Variants in BRINP2 observed in about 807,000 individuals in gnomAD.
BRINP2 encodes BMP/retinoic acid-inducible neural-specific protein 2.
In BRINP2, 21 loss-of-function variants were observed where a neutral mutation model predicts 69.2. The observed-to-expected ratio is 0.30, with a 90% confidence interval of 0.22 to 0.44. The LOEUF (loss-of-function observed/expected upper bound fraction) is 0.44. Ranked by LOEUF, BRINP2 falls within the 20% of genes least tolerant of loss-of-function variation. The pLI is 1.00. For synonymous variants in BRINP2, 380 were observed against 394.1 expected, an observed-to-expected ratio of 0.96 and a Z score of 0.42; for missense variants, 877 against 986.0, an observed-to-expected ratio of 0.89 and a Z score of 1.48.
intron 7 of BRINP2, 109 bp downstream of exon 7, chr1:177,278,894 C>A: frequency 1.9e-6 from 2 of 1,032,608 alleles, no homozygotes; most frequent in Non-Finnish European, 2.9e-6. Flanking sequence ...TGGTGACTCA[C>A]ACATAGCCTT....
chr1:177,208,751 C>T (rs931145674), intron 1 of BRINP2, among the ~76,000 whole-genome samples: 1 of 152,164 alleles, frequency 6.6e-6, no homozygotes, highest in African/African-American at 2.4e-5. Flanking sequence ...AGGAGTGACA[C>T]TGACGTGTTT....
rs141733766 is a variant in BRINP2 at position 177,267,609 on chromosome 1, A to AT, written c.670-5873dup. On this transcript the variant is annotated intron_variant, in intron 4 of 7. Transcript: ENST00000361539. ...ATGAGTATCTACAATCACCTTGTAA[A>AT]TTTTTTCTTTCAGTATCATAGTTTT... 2.0e-5 allele frequency among the ~76,000 whole-genome samples: 3 copies of AT among 152,004 alleles called. No individual in the cohort carries two copies. In the East Asian group the frequency reaches 5.8e-4, roughly 29 times the overall value.
At chr1:177,275,141 A>G (rs1308995282) in intron 5 of BRINP2, 2 of 456,312 alleles carry the variant, frequency 4.4e-6, no homozygotes, top group Admixed American at 4.7e-5. Context: ...CGTGGCCCAG[A>G]CTGCATCCAA....
At chr1:177,244,254 G>A (rs1442188317) in intron 2 of BRINP2, among the ~76,000 whole-genome samples, 1 of 152,202 alleles carries the variant, frequency 6.6e-6, no homozygotes, top group African/African-American at 2.4e-5. Flanking sequence ...TAAAAAATGA[G>A]TGTAATATTC....
chr1:177,250,798 T>A (rs1650556723), intron 2 of BRINP2, among the ~76,000 whole-genome samples: 1 of 152,228 alleles, frequency 6.6e-6, no homozygotes, highest in South Asian at 2.1e-4. Flanking sequence ...TATAGCCTAG[T>A]GGCAAAGGCT....
intron 1 of BRINP2, among the ~76,000 whole-genome samples, chr1:177,182,225 A>G (rs950396428): frequency 4.7e-5 from 7 of 149,400 alleles, no homozygotes; most frequent in Non-Finnish European, 1.5e-5. Context: ...CCTCTTTGGC[A>G]ACTCCCCACC....
chr1:177,258,979 A>G (rs922247681), intron 4 of BRINP2, among the ~76,000 whole-genome samples: 8 of 152,216 alleles, frequency 5.3e-5, no homozygotes, highest in Admixed American at 4.6e-4. Context: ...AAAGAGTCAG[A>G]CATCTCTCAC....
rs755472407 is a variant in BRINP2, at chr1:177,278,725, G to A, written c.1175G>A (p.Arg392Gln). 33 of 1,614,006 alleles carry A rather than the reference G, an allele frequency of 2.0e-5. No homozygotes were observed. Among genetic ancestry groups the A allele is most frequent in the Admixed American group, 6.7e-5 (4 of 59,982 alleles). Residue 392 changes from arginine (R) to glutamine (Q), a missense_variant, in exon 7 of 8, where the codon CGG becomes CAG. This residue lies in a region of BRINP2 where 566 missense variants were observed against 625.2 expected (regional missense o/e 0.91). Transcript: ENST00000361539. Reference sequence around the variant, plus strand: ...AAAAAGACCCATCGGATCCTACGCCGGCTCTTCAACCTCTGCAAGCGCTGC... The same window carrying A: ...AAAAAGACCCATCGGATCCTACGCCAGCTCTTCAACCTCTGCAAGCGCTGC... ...LFKKTHRILR[R>Q]LFNLCKRCHR... is the part of the protein sequence containing the mutation.
intron 2 of BRINP2, among the ~76,000 whole-genome samples, chr1:177,240,390 C>A (rs1360821181): frequency 1.3e-5 from 2 of 152,164 alleles, no homozygotes; most frequent in African/African-American, 4.8e-5. Context: ...CTTATTTGAT[C>A]ATTACATGCT....
chr1:177,277,555 G>T (rs1651539575), intron 6 of BRINP2, among the ~76,000 whole-genome samples: 1 of 151,110 alleles, frequency 6.6e-6, no homozygotes, highest in African/African-American at 2.4e-5. Context: ...GCCATTACTA[G>T]GCATGATTCT....
chr1:177,251,369 A>G (rs1650574991), intron 2 of BRINP2, among the ~76,000 whole-genome samples: 1 of 152,266 alleles, frequency 6.6e-6, no homozygotes, highest in Non-Finnish European at 1.5e-5. Flanking sequence ...ATTTGTGTTA[A>G]AGGATACTAA....
intron 3 of BRINP2, 42 bp downstream of exon 3, chr1:177,256,151 A>G (rs1440895901): frequency 1.9e-6 from 3 of 1,597,428 alleles, no homozygotes; most frequent in African/African-American, 2.7e-5. Context: ...TTGCCAGACC[A>G]TTGGAAATAA....
At position 177,281,680 on chromosome 1, in the gene BRINP2, G is replaced by A. The variant is rs1651707101; in HGVS notation, c.*152G>A. ...GACCTCGAGGCTCGAGCTGAAGCAG[G>A]CGAGAGAGAAACAGCTACTGCGTGC... On this transcript the variant is annotated 3_prime_UTR_variant, in exon 8 of 8. Transcript: ENST00000361539. 9.7e-7 allele frequency: 1 copy of A among 1,031,784 alleles called. No individual in the cohort carries two copies. Among genetic ancestry groups the A allele is most frequent in the African/African-American group, 1.6e-5 (1 of 62,738 alleles). The allele number at this position is 1,031,784 out of a possible 1,614,324, so 63.9% of individuals were successfully genotyped here.
intron 1 of BRINP2, among the ~76,000 whole-genome samples, chr1:177,209,184 G>A (rs960870904): frequency 1.3e-5 from 2 of 151,850 alleles, no homozygotes; most frequent in Non-Finnish European, 2.9e-5. Context: ...GGCCCTGTAG[G>A]GGAAGCAAGG....
chr1:177,191,363 T>A (rs1253099027), intron 1 of BRINP2, among the ~76,000 whole-genome samples: 2 of 152,338 alleles, frequency 1.3e-5, no homozygotes, highest in South Asian at 4.1e-4. Flanking sequence ...AACATGAGGA[T>A]GAGGATGAGA....
chr1:177,256,951 G>C, intron 3 of BRINP2: 4 of 1,418,324 alleles, frequency 2.8e-6, no homozygotes, highest in Non-Finnish European at 3.7e-6. Context: ...CTGAGGGCAG[G>C]GGGACTGAGC....
chr1:177,279,990 G>T lies in BRINP2; in HGVS notation c.1236-422G>T, dbSNP rs1010196366. On this transcript the variant is annotated intron_variant, in intron 7 of 7. Coordinates refer to ENST00000361539, the MANE Select transcript of BRINP2 (RefSeq NM_021165.4). Reference sequence around the variant, plus strand: ...TGTTCTTGGTGGAGGAGTGAGAGGAGCAGAGAGAATAGAAAGGACAGAAAC... The same window carrying T: ...TGTTCTTGGTGGAGGAGTGAGAGGATCAGAGAGAATAGAAAGGACAGAAAC... Among the ~76,000 whole-genome samples, 28 of 152,120 alleles carry T rather than the reference G, an allele frequency of 1.8e-4. 1 individual carries two copies. Among genetic ancestry groups the T allele is most frequent in the Admixed American group, 1.8e-3 (27 of 15,266 alleles).
chr1:177,270,515 G>T (rs1305037818), intron 4 of BRINP2, among the ~76,000 whole-genome samples: 5 of 151,384 alleles, frequency 3.3e-5, no homozygotes, highest in Admixed American at 6.6e-5. Flanking sequence ...GGAAGCAGAT[G>T]CATTGGTGGC....
chr1:177,197,790 T>C (rs1398975023), intron 1 of BRINP2, among the ~76,000 whole-genome samples: 1 of 151,988 alleles, frequency 6.6e-6, no homozygotes, highest in Non-Finnish European at 1.5e-5. Flanking sequence ...CTTGAATGAA[T>C]TGGATGGGGA....
Sources: gnomAD v4.1 joint callset for allele counts (sites outside exome capture counted in the v4.1 genomes callset) on GRCh38, gnomAD v4.1.1 for gene constraint, gnomAD v4.1.1 regional missense constraint, MANE v1.5 for transcripts, NCBI Gene and HGNC (gene_info 2026-07-23, HGNC 2026-07-21) for gene names.